RNF150: variants seen among roughly 807,000 people sequenced by gnomAD.
RNF150 encodes the protein ring finger protein 150.
In RNF150, 24 loss-of-function variants were observed where a neutral mutation model predicts 39.3. The ratio of observed to expected loss-of-function variants is 0.61; its 90% CI spans 0.44 to 0.86. RNF150 has a LOEUF of 0.86. Among genes scored for constraint, RNF150 ranks in the 40% least tolerant of loss-of-function variants. The pLI, the probability that RNF150 is intolerant of heterozygous loss-of-function variation, is 0.00. For missense variants in RNF150, 502 were observed against 587.8 expected, an observed-to-expected ratio of 0.85 and a Z score of 1.51; for synonymous variants, 255 against 227.3, an observed-to-expected ratio of 1.12 and a Z score of -1.10.
chr4:140,975,175 G>C (rs550560900), intron 1 of RNF150, among the ~76,000 whole-genome samples: 4 of 152,140 alleles, frequency 2.6e-5, no homozygotes, highest in Non-Finnish European at 5.9e-5. Flanking sequence ...AGGATGACTT[G>C]AGCCTGGTAG....
chr4:140,930,025 GT>G (rs1316912250), intron 4 of RNF150, among the ~76,000 whole-genome samples: 1 of 152,162 alleles, frequency 6.6e-6, no homozygotes, highest in Non-Finnish European at 1.5e-5. Flanking sequence ...GCTGGGCGTG[GT>G]GTTGTGTGCC....
intron 6 of RNF150, among the ~76,000 whole-genome samples, chr4:140,906,072 G>C (rs1023051586): frequency 1.3e-5 from 2 of 152,120 alleles, no homozygotes; most frequent in African/African-American, 4.8e-5. Context: ...TTTGGGGTAT[G>C]TGTTTGCAAC....
chr4:141,058,309 G>A (rs1045760366), intron 1 of RNF150, among the ~76,000 whole-genome samples: 4 of 152,034 alleles, frequency 2.6e-5, no homozygotes, highest in Admixed American at 1.3e-4. Context: ...TGGGGAGGGT[G>A]AAGAAGAGGG....
chr4:141,025,881 C>A (rs552714603), intron 1 of RNF150, among the ~76,000 whole-genome samples: 1 of 152,164 alleles, frequency 6.6e-6, no homozygotes, highest in South Asian at 2.1e-4. Flanking sequence ...TATGTTGAAA[C>A]CTGAATTTCC....
At chr4:141,117,903 A>G (rs890522793) in intron 1 of RNF150, among the ~76,000 whole-genome samples, 1 of 152,250 alleles carries the variant, frequency 6.6e-6, no homozygotes, top group Non-Finnish European at 1.5e-5. Context: ...GGAACTGGAA[A>G]GGTGATTTGT....
intron 1 of RNF150, among the ~76,000 whole-genome samples, chr4:141,049,841 G>C (rs1382452866): frequency 6.6e-6 from 1 of 152,050 alleles, no homozygotes; most frequent in African/African-American, 2.4e-5. Flanking sequence ...GTATATTAGA[G>C]CATACTGATG....
At chr4:141,174,713 T>A (rs1053012646) in intron 1 of RNF150, among the ~76,000 whole-genome samples, 2 of 152,066 alleles carry the variant, frequency 1.3e-5, no homozygotes, top group African/African-American at 4.8e-5. Context: ...CTGGATGATG[T>A]TAATGAAAGT....
intron 1 of RNF150, among the ~76,000 whole-genome samples, chr4:141,001,934 T>C (rs1937405275): frequency 6.6e-6 from 1 of 152,138 alleles, no homozygotes; most frequent in African/African-American, 2.4e-5. Flanking sequence ...AAAGCTCATA[T>C]ATTTTTTCTT....
chr4:140,875,162 C>T (rs932355673), intron 6 of RNF150, among the ~76,000 whole-genome samples: 5 of 141,616 alleles, frequency 3.5e-5, no homozygotes, highest in Admixed American at 7.1e-5. Context: ...ACAATCATTA[C>T]GTTTTTTTTT....
chr4:141,193,117 CAT>C (rs1019272669), intron 1 of RNF150, among the ~76,000 whole-genome samples: 1 of 152,210 alleles, frequency 6.6e-6, no homozygotes, highest in African/African-American at 2.4e-5. Context: ...ATGTTTCATT[CAT>C]ATATCTTATT....
chr4:140,933,477 G>A (rs1731727643), intron 4 of RNF150, among the ~76,000 whole-genome samples: 1 of 152,134 alleles, frequency 6.6e-6, no homozygotes. Flanking sequence ...TCCAGATGAG[G>A]GGTGGTTACT....
At chr4:141,195,107 T>TACACAC (rs71584397) in intron 1 of RNF150, among the ~76,000 whole-genome samples, 28,552 of 150,028 alleles carry the variant, frequency 0.19, 2,703 homozygotes, top group African/African-American at 0.22. Flanking sequence ...GATACATGAA[T>TACACAC]ACACACACAC....
intron 5 of RNF150, among the ~76,000 whole-genome samples, chr4:140,920,762 C>T (rs188780040): frequency 3.6e-3 from 548 of 151,942 alleles, no homozygotes; most frequent in Middle Eastern, 0.01. Context: ...GCACTATTCA[C>T]GATAGCAAAG....
At chr4:141,101,197 T>C (rs1002206602) in intron 1 of RNF150, among the ~76,000 whole-genome samples, 1 of 152,240 alleles carries the variant, frequency 6.6e-6, no homozygotes, top group African/African-American at 2.4e-5. Context: ...AGCTTACTTT[T>C]TAACTTTTTT....
chr4:140,869,558 T>G (rs1399989611), intron 6 of RNF150, among the ~76,000 whole-genome samples: 1 of 152,158 alleles, frequency 6.6e-6, no homozygotes, highest in Non-Finnish European at 1.5e-5. Context: ...AGGAGCTCAT[T>G]GTCTGGTGGG....
At chr4:140,931,718 C>G (rs1258270110) in intron 4 of RNF150, among the ~76,000 whole-genome samples, 4 of 152,220 alleles carry the variant, frequency 2.6e-5, no homozygotes, top group Non-Finnish European at 5.9e-5. Context: ...TTGGCCAAAA[C>G]TGTTTTCTTT....
At chr4:141,002,434 A>T (rs1474005341) in intron 1 of RNF150, among the ~76,000 whole-genome samples, 1 of 152,066 alleles carries the variant, frequency 6.6e-6, no homozygotes, top group Non-Finnish European at 1.5e-5. Context: ...TCACTATCTT[A>T]AGCTTTGCCA....
intron 1 of RNF150, among the ~76,000 whole-genome samples, chr4:140,989,454 G>A (rs187720185): frequency 9.2e-4 from 140 of 152,076 alleles, no homozygotes; most frequent in Non-Finnish European, 1.7e-3. Context: ...CCTCCATAGC[G>A]GCAAAAAGAA....
At position 140,867,845 on chromosome 4, in the gene RNF150, T is replaced by C. The variant is rs1252225115; in HGVS notation, c.*416A>G. 2 of 157,088 alleles carry C rather than the reference T, an allele frequency of 1.3e-5. No individual in the cohort carries two copies. The highest frequency in any genetic ancestry group is 4.8e-5 in the African/African-American group (2 of 41,468). 9.7% of individuals were successfully genotyped at this position (157,088 alleles called of 1,614,324 possible). A position where few individuals can be genotyped will look rare whatever the true frequency, so the allele number is the denominator to read the frequency against. ...GTGCATCAAAGGAAAAACAAAGGAATAGATGGAAAGTAAACTACAAATAAT... is the reference window on the plus strand; with the variant it reads ...GTGCATCAAAGGAAAAACAAAGGAACAGATGGAAAGTAAACTACAAATAAT... On this transcript the variant is annotated 3_prime_UTR_variant, in exon 7 of 7. Transcript: ENST00000515673.
Sources: gnomAD v4.1 joint callset for allele counts (sites outside exome capture counted in the v4.1 genomes callset) on GRCh38, gnomAD v4.1.1 for gene constraint, MANE v1.5 for transcripts, NCBI Gene and HGNC (gene_info 2026-07-23, HGNC 2026-07-21) for gene names.